XPO4: variants seen among roughly 807,000 people sequenced by gnomAD.
XPO4 encodes exportin 4.
A neutral mutation model predicts 143.0 loss-of-function variants in XPO4; 39 were observed. That is an observed-to-expected ratio of 0.27 (90% CI 0.21 to 0.36). The LOEUF (loss-of-function observed/expected upper bound fraction) is 0.36. Among genes scored for constraint, XPO4 ranks in the 10% least tolerant of loss-of-function variants. The pLI is 1.00. For synonymous variants in XPO4, 439 were observed against 474.0 expected (o/e 0.93, Z 0.96); for missense variants, 907 against 1,348.0 (o/e 0.67, Z 5.12).
At chr13:20,873,453 A>G (rs1017493034) in intron 1 of XPO4, among the ~76,000 whole-genome samples, 6 of 152,154 alleles carry the variant, frequency 3.9e-5, no homozygotes, top group African/African-American at 1.2e-4. Flanking sequence ...AAAGGAAGGG[A>G]AAAAGCCCTG....
rs2059150599 is a variant in XPO4, at chr13:20,782,187, T to A, written c.*1535A>T. ...AAGTTTTGCACAGCATCACATGTAA[T>A]GACACATATGCTATATGCAATCAGG... On this transcript the variant is annotated 3_prime_UTR_variant, in exon 23 of 23. Transcript: ENST00000255305. The A allele has an allele frequency of 6.6e-6, 1 of 152,258 alleles. No individual in the cohort carries two copies. The highest frequency in any genetic ancestry group is 2.4e-5 in the African/African-American group (1 of 41,474). The allele number at this position is 152,258 out of a possible 1,614,324, so 9.4% of individuals were successfully genotyped here.
chr13:20,809,223 A>C lies in XPO4; in HGVS notation c.1353T>G (p.Thr451=). ...CCTCACGAGAGGCCACACCATTGGC[A>C]GTCTATTGCAAGTAAAAGAAATAAA... ...LAAPDGTRNL[T]ANGVASREEE... The change falls in exon 11 of 23, where the codon ACT becomes ACG. Residue 451 remains threonine, a splice_region_variant and synonymous_variant. Coordinates refer to ENST00000255305, the MANE Select transcript of XPO4 (RefSeq NM_022459.5). The C allele has an allele frequency of 6.2e-7, 1 of 1,612,756 alleles. No individual in the cohort carries two copies. Among genetic ancestry groups the C allele is most frequent in the South Asian group, 1.1e-5 (1 of 90,906 alleles).
chr13:20,866,625 A>G (rs1245426295), intron 2 of XPO4, among the ~76,000 whole-genome samples: 2 of 152,234 alleles, frequency 1.3e-5, no homozygotes, highest in Non-Finnish European at 2.9e-5. Context: ...TTTGCAGTAC[A>G]TTAATGATTA....
chr13:20,842,430 G>A (rs1275883088), intron 6 of XPO4, among the ~76,000 whole-genome samples: 1 of 152,110 alleles, frequency 6.6e-6, no homozygotes, highest in Non-Finnish European at 1.5e-5. Flanking sequence ...GGCCCTTGAA[G>A]AGTAAACATA....
intron 9 of XPO4, among the ~76,000 whole-genome samples, chr13:20,812,381 A>T (rs1361499460): frequency 6.6e-6 from 1 of 152,216 alleles, no homozygotes; most frequent in African/African-American, 2.4e-5. Context: ...TAAATGTTGC[A>T]GAAAAACCTG....
In XPO4 at chr13:20,902,691, C is replaced by T. The variant is rs752924266; in HGVS notation, c.48G>A (p.Glu16=). Residue 16 remains glutamate, a synonymous_variant, in exon 1 of 23, where the codon GAG becomes GAA. Coordinates refer to ENST00000255305, the MANE Select transcript of XPO4 (RefSeq NM_022459.5). The part of the protein sequence containing the change: ...LGPPEVIAQL[E]NAAKVLMAPP... ...TCACCATCAGAACTTTAGCCGCGTTCTCCAGCTGAGCGATCACTTCTGGGG... is the reference window on the plus strand; with the variant it reads ...TCACCATCAGAACTTTAGCCGCGTTTTCCAGCTGAGCGATCACTTCTGGGG... 5.7e-6 allele frequency: 9 copies of T among 1,585,200 alleles called. No homozygotes were observed. In the East Asian group the frequency reaches 1.9e-4, roughly 34 times the overall value.
rs538297876 is a variant in XPO4, at chr13:20,803,225, C to A, written c.1818-2235G>T. On this transcript the variant is annotated intron_variant, in intron 13 of 22. Coordinates refer to ENST00000255305, the MANE Select transcript of XPO4 (RefSeq NM_022459.5). This position sits in a 1 kb window ranked among gnomAD's most constrained non-coding sequence, Gnocchi z 4.1. Reference sequence around the variant, plus strand: ...ATCTCTTGGTTGATGTGATTAGGTCCTCTTGTTATTTAATGCAAAGGACTG... The same window carrying A: ...ATCTCTTGGTTGATGTGATTAGGTCATCTTGTTATTTAATGCAAAGGACTG... Among the ~76,000 whole-genome samples the A allele has an allele frequency of 2.6e-5, 4 of 152,238 alleles. No homozygotes were observed. In the East Asian group the frequency reaches 7.7e-4, roughly 29 times the overall value.
At chr13:20,861,777 CTTTTTTTTT>C (rs71200306) in intron 3 of XPO4, among the ~76,000 whole-genome samples, 2 of 73,392 alleles carry the variant, frequency 2.7e-5, no homozygotes, top group Admixed American at 2.1e-4. Context: ...ACATTTCTCT[CTTTTTTTTT>C]TTTTTTTTTT....
At chr13:20,838,415 C>T (rs572543085) in intron 6 of XPO4, among the ~76,000 whole-genome samples, 109 of 151,656 alleles carry the variant, frequency 7.2e-4, no homozygotes, top group Admixed American at 2.4e-3. Flanking sequence ...CAAGACCATC[C>T]TGGCTAACAG....
rs2060394749 is a variant in XPO4 at position 20,880,256 on chromosome 13, A to AC, written c.70-11556dup. Among the ~76,000 whole-genome samples the AC allele has an allele frequency of 2.0e-5, 3 of 151,806 alleles. 1 individual carries two copies. The South Asian group carries it at 6.2e-4, about 32-fold the overall frequency. On this transcript the variant is annotated intron_variant, in intron 1 of 22. Coordinates refer to ENST00000255305, the MANE Select transcript of XPO4 (RefSeq NM_022459.5). ...AGACCAGCCTGGCCAAGATGGTGAA[A>AC]CCCCGTCTCTACTAAAAATACAAAA... is the stretch of plus-strand genomic sequence containing the variant.
chr13:20,886,542 G>A (rs2060463131), intron 1 of XPO4, among the ~76,000 whole-genome samples: 1 of 151,962 alleles, frequency 6.6e-6, no homozygotes, highest in Non-Finnish European at 1.5e-5. Context: ...AACCCAAGAT[G>A]CGGTGGGTTC....
intron 19 of XPO4, among the ~76,000 whole-genome samples, chr13:20,789,297 G>A (rs1339800056): frequency 6.6e-6 from 1 of 152,164 alleles, no homozygotes; most frequent in African/African-American, 2.4e-5. Flanking sequence ...ACGCTCTCAA[G>A]GAGGGGGAAG....
At chr13:20,861,980 C>T (rs942771451) in intron 3 of XPO4, among the ~76,000 whole-genome samples, 1 of 151,528 alleles carries the variant, frequency 6.6e-6, no homozygotes, top group Non-Finnish European at 1.5e-5. Flanking sequence ...GTAGAGATGG[C>T]GTTTCCGCAT....
chr13:20,860,924 A>ATT (rs68131843), intron 3 of XPO4, among the ~76,000 whole-genome samples: 22 of 147,074 alleles, frequency 1.5e-4, no homozygotes, highest in African/African-American at 5.2e-4. Context: ...TCTCTCCTGT[A>ATT]TTTTTTTTTT....
At chr13:20,843,618 A>G in intron 5 of XPO4, 152 bp downstream of exon 5, 1 of 598,048 alleles carries the variant, frequency 1.7e-6, no homozygotes, top group African/African-American at 1.9e-5. Context: ...CAAACCTATC[A>G]TTTTACTATA....
At position 20,833,947 on chromosome 13, in the gene XPO4, G is replaced by C. The variant is rs891363506; in HGVS notation, c.728-6768C>G. On this transcript the variant is annotated intron_variant, in intron 6 of 22. Transcript: ENST00000255305. ...CAAATGGGGATGATGGTATGATGGA[G>C]GATCACAGGACCAGGACACTTTCTT... Among the ~76,000 whole-genome samples the C allele has an allele frequency of 2.0e-5, 3 of 152,256 alleles. No individual in the cohort carries two copies. The East Asian group carries it at 5.8e-4, about 29-fold the overall frequency.
At chr13:20,861,777 C>CTTTTTTTTTTTTTTTTTTTTTTTTTTTT (rs71200306) in intron 3 of XPO4, among the ~76,000 whole-genome samples, 1 of 73,394 alleles carries the variant, frequency 1.4e-5, no homozygotes, top group Non-Finnish European at 2.6e-5. Context: ...ACATTTCTCT[C>CTTTTTTTTTTTTTTTTTTTTTTTTTTTT]TTTTTTTTTT....
At chr13:20,849,740 C>A in intron 4 of XPO4, 1 of 985,068 alleles carries the variant, frequency 1.0e-6, no homozygotes, top group African/African-American at 1.7e-5. Context: ...CTGTAGAGAA[C>A]CAAGTCTTTA....
chr13:20,860,847 C>CTTA (rs2060190054), intron 3 of XPO4, among the ~76,000 whole-genome samples: 1 of 152,020 alleles, frequency 6.6e-6, no homozygotes, highest in Non-Finnish European at 1.5e-5. Flanking sequence ...TGTATATCCA[C>CTTA]TTATCTACAG....
Sources: gnomAD v4.1 joint callset for allele counts (sites outside exome capture counted in the v4.1 genomes callset) on GRCh38, gnomAD v4.1.1 for gene constraint, Gnocchi (gnomAD v3.1) non-coding constraint, MANE v1.5 for transcripts, NCBI Gene and HGNC (gene_info 2026-07-23, HGNC 2026-07-21) for gene names.